The following ATP9A variants were observed in gnomAD, a reference collection of about 807,000 sequenced individuals.
ATP9A encodes the protein probable phospholipid-transporting ATPase IIA.
Under a neutral mutation model 144.1 loss-of-function variants are expected in ATP9A, and 52 were observed. That is an observed-to-expected ratio of 0.36 (90% CI 0.29 to 0.45). The LOEUF is 0.45. ATP9A is among the 20% of genes least tolerant of loss of function. The pLI, the probability that ATP9A is intolerant of heterozygous loss-of-function variation, is 1.00. For missense variants in ATP9A, 947 were observed against 1,392.7 expected, an observed-to-expected ratio of 0.68 and a Z score of 5.09; for synonymous variants, 582 against 557.4, an observed-to-expected ratio of 1.04 and a Z score of -0.62.
intron 27 of ATP9A, 38 bp from the exon 28 acceptor site, chr20:51,601,385 A>G (rs1387730826): frequency 1.9e-6 from 3 of 1,568,316 alleles, no homozygotes; most frequent in Non-Finnish European, 1.7e-6. Context: ...AGCAGGCAGG[A>G]ATATTCCGGA....
intron 16 of ATP9A, among the ~76,000 whole-genome samples, chr20:51,628,457 T>A (rs570562429): frequency 6.6e-6 from 1 of 152,172 alleles, no homozygotes; most frequent in Non-Finnish European, 1.5e-5. Flanking sequence ...GGATGTCACA[T>A]CTGAGATCAG....
intron 1 of ATP9A, among the ~76,000 whole-genome samples, chr20:51,731,470 C>T (rs550247596): frequency 6.6e-6 from 1 of 151,988 alleles, no homozygotes; most frequent in African/African-American, 2.4e-5. Context: ...GTAATCCCAG[C>T]ACTTTGGGAG....
rs138665384 is a variant in ATP9A at position 51,618,704 on chromosome 20, G to C, written c.2308C>G (p.Arg770Gly). The change falls in exon 21 of 28, where the codon CGC becomes GGC. Residue 770 changes from arginine to glycine, a missense_variant. Around this residue, in one of 2 missense-constraint regions of ATP9A, gnomAD observed 770 missense variants for 1,047.9 expected, o/e 0.73. Transcript: ENST00000338821. ...TTGCCCGTGCGCTCCTGAAGCAGGCGCACGATCTGGGCCTTCTGGGTGGGG... is the reference window on the plus strand; with the variant it reads ...TTGCCCGTGCGCTCCTGAAGCAGGCCCACGATCTGGGCCTTCTGGGTGGGG... The part of the protein sequence containing the change: ...CAPTQKAQIV[R>G]LLQERTGKLT... 1.9e-4 allele frequency: 313 copies of C among 1,613,318 alleles called. No individual in the cohort carries two copies. The highest frequency in any genetic ancestry group is 2.5e-4 in the Non-Finnish European group (291 of 1,179,886).
intron 14 of ATP9A, among the ~76,000 whole-genome samples, chr20:51,642,726 CAAAAAAAAAAAAAAAAAAAAAA>C (rs778440862): frequency 0.045 from 1,400 of 31,234 alleles, 85 homozygotes; most frequent in African/African-American, 0.12. Flanking sequence ...ACTCTGTCTC[CAAAAAAAAAAAAAAAAAAAAAA>C]AAAAAAAAAA....
At chr20:51,735,935 T>A (rs1415836010) in intron 1 of ATP9A, among the ~76,000 whole-genome samples, 1 of 152,148 alleles carries the variant, frequency 6.6e-6, no homozygotes, top group South Asian at 2.1e-4. Context: ...AAGGCCCTCC[T>A]CCCATGGACC....
intron 1 of ATP9A, among the ~76,000 whole-genome samples, chr20:51,761,065 A>T (rs2077878302): frequency 6.6e-6 from 1 of 152,192 alleles, no homozygotes; most frequent in Non-Finnish European, 1.5e-5. Flanking sequence ...GAGTAATGAG[A>T]GTCCTACCTA....
At chr20:51,661,252 C>T (rs1399789884) in intron 13 of ATP9A, among the ~76,000 whole-genome samples, 5 of 152,150 alleles carry the variant, frequency 3.3e-5, no homozygotes, top group Non-Finnish European at 5.9e-5. Context: ...AAAAATTAAA[C>T]GTTGAGTCAC....
chr20:51,619,107 T>TG, intron 19 of ATP9A, 64 bp from the exon 20 acceptor site: 1 of 1,450,568 alleles, frequency 6.9e-7, no homozygotes, highest in South Asian at 1.2e-5. Context: ...CAACAAACAG[T>TG]GGCTTCCAGG....
In ATP9A at chr20:51,626,766, A is replaced by T. The variant is rs185948452; in HGVS notation, c.1845+834T>A. Among the ~76,000 whole-genome samples the T allele has an allele frequency of 1.4e-3, 206 of 152,292 alleles. 1 individual carries two copies. The highest frequency in any genetic ancestry group is 4.1e-3 in the Admixed American group (62 of 15,298). Reference sequence around the variant, plus strand: ...TATCTTTAACTACTAAGGATATAAGAATAAACCAGGCCAGGCACAGTGGCT... The same window carrying T: ...TATCTTTAACTACTAAGGATATAAGTATAAACCAGGCCAGGCACAGTGGCT... On this transcript the variant is annotated intron_variant, in intron 17 of 27. Transcript: ENST00000338821.
chr20:51,679,265 A>C (rs1271858213), intron 9 of ATP9A, among the ~76,000 whole-genome samples: 2 of 152,180 alleles, frequency 1.3e-5, no homozygotes, highest in Non-Finnish European at 2.9e-5. Context: ...CGGAGGTTGC[A>C]GTGAGCCGAG....
At chr20:51,619,100 C>A in intron 19 of ATP9A, 57 bp from the exon 20 acceptor site, 1 of 1,489,624 alleles carries the variant, frequency 6.7e-7, no homozygotes, top group Non-Finnish European at 9.3e-7. Context: ...GATAGAACAA[C>A]AAACAGTGGC....
At chr20:51,700,557 A>G (rs966719454) in intron 4 of ATP9A, among the ~76,000 whole-genome samples, 1 of 152,176 alleles carries the variant, frequency 6.6e-6, no homozygotes, top group African/African-American at 2.4e-5. Context: ...AGCGCCGGGC[A>G]TGGTGGCTCA....
chr20:51,635,762 A>G (rs1293817105), intron 15 of ATP9A, among the ~76,000 whole-genome samples: 86 of 125,718 alleles, frequency 6.8e-4, no homozygotes, highest in African/African-American at 2.2e-3. Flanking sequence ...AAAAGAGAAG[A>G]GAAAAGAAAA....
At chr20:51,669,378 G>C (rs1453288402) in intron 13 of ATP9A, among the ~76,000 whole-genome samples, 2 of 152,088 alleles carry the variant, frequency 1.3e-5, no homozygotes, top group East Asian at 1.9e-4. Context: ...TGGGAAACTT[G>C]GTAGGAAAAA....
At chr20:51,712,773 C>T (rs1010954329) in intron 4 of ATP9A, among the ~76,000 whole-genome samples, 193 bp downstream of exon 4, 9 of 152,228 alleles carry the variant, frequency 5.9e-5, no homozygotes, top group African/African-American at 2.2e-4. Context: ...TGGATGCTGC[C>T]AGGGCCTGGT....
intron 14 of ATP9A, among the ~76,000 whole-genome samples, chr20:51,656,277 C>T (rs1369085258): frequency 6.6e-6 from 1 of 151,962 alleles, no homozygotes; most frequent in Non-Finnish European, 1.5e-5. Context: ...TACTCACCAA[C>T]GCAGTGACTC....
rs763982930 is a variant in ATP9A, at chr20:51,670,042, G to A, written c.1248C>T (p.Asp416=). 4 of 1,614,158 alleles carry A rather than the reference G, an allele frequency of 2.5e-6. No homozygotes were observed. Among genetic ancestry groups the A allele is most frequent in the South Asian group, 1.1e-5 (1 of 91,084 alleles). The change falls in exon 13 of 28, where the codon GAC becomes GAT. Residue 416 remains aspartate, a synonymous_variant. Transcript: ENST00000338821. ...TGTGGCTTTGTACTTCGTCCATTGA[G>A]TCGAGGCCGTAGGCTACTGTTCCGA... ...LHLGTVAYGL[D]SMDEVQSHIF... is the part of the protein sequence containing the mutation.
chr20:51,671,356 C>T (rs979712074), intron 11 of ATP9A, 99 bp from the exon 12 acceptor site: 22 of 1,381,112 alleles, frequency 1.6e-5, no homozygotes, highest in South Asian at 4.1e-5. Flanking sequence ...CCATCGCATC[C>T]GGACTCACTC....
At chr20:51,638,293 GA>G (rs11477244) in intron 15 of ATP9A, among the ~76,000 whole-genome samples, 60,394 of 121,346 alleles carry the variant, frequency 0.5, 15,074 homozygotes, top group East Asian at 0.81. Flanking sequence ...ATTTGTCAAG[GA>G]AAAAAAAAAA....
Sources: allele counts gnomAD v4.1 joint callset (sites outside exome capture counted in the v4.1 genomes callset), GRCh38; gene constraint gnomAD v4.1.1; regional missense constraint gnomAD v4.1.1; transcripts MANE v1.5; gene names NCBI Gene and HGNC (gene_info 2026-07-23, HGNC 2026-07-21).